The following DCK variants were observed in gnomAD, a reference collection of about 807,000 sequenced individuals.
DCK encodes deoxyadenosine kinase.
A neutral mutation model predicts 38.3 loss-of-function variants in DCK; 23 were observed. That is an observed-to-expected ratio of 0.60 (90% CI 0.43 to 0.85). The LOEUF is 0.85. DCK is among the 40% of genes least tolerant of loss of function. DCK has a pLI of 0.00. For synonymous variants in DCK, 108 were observed against 100.6 expected, an observed-to-expected ratio of 1.07 and a Z score of -0.44; for missense variants, 259 against 304.4, an observed-to-expected ratio of 0.85 and a Z score of 1.11.
chr4:70,999,020 TTC>T (rs1739725722), intron 2 of DCK, among the ~76,000 whole-genome samples: 2 of 152,152 alleles, frequency 1.3e-5, no homozygotes, highest in African/African-American at 4.8e-5. Flanking sequence ...TCATAAAAAT[TTC>T]TTTTTTTGTT....
chr4:71,022,407 A>G lies in DCK; in HGVS notation c.248A>G (p.Gln83Arg), dbSNP rs111919271. ...MSQKNGGNVL[Q>R]MMYEKPERWS... ...CAGAAAAATGGTGGGAATGTTCTTC[A>G]GATGATGTATGAGAAACCTGAACGA... Residue 83 changes from glutamine to arginine, a missense_variant, in exon 3 of 7, where the codon CAG (glutamine) becomes CGG (arginine). Gln to Arg is a conservative substitution (Grantham distance 43, BLOSUM62 1). Around this residue, in one of 3 missense-constraint regions of DCK, gnomAD observed 159 missense variants for 159.0 expected, o/e 1.00. Transcript: ENST00000286648. 4 of 1,582,302 alleles carry G rather than the reference A, an allele frequency of 2.5e-6. No individual in the cohort carries two copies. The highest frequency in any genetic ancestry group is 3.4e-6 in the Non-Finnish European group (4 of 1,167,884).
intron 2 of DCK, among the ~76,000 whole-genome samples, chr4:71,016,460 G>T (rs1291613530): frequency 6.6e-6 from 1 of 152,164 alleles, no homozygotes; most frequent in East Asian, 1.9e-4. Context: ...AACCAAAAAA[G>T]AGCCCGCATT....
At chr4:70,994,958 AT>A (rs1425948558) in intron 1 of DCK, among the ~76,000 whole-genome samples, 1 of 152,228 alleles carries the variant, frequency 6.6e-6, no homozygotes, top group Admixed American at 6.5e-5. Context: ...TTAAAAAAAA[AT>A]TTTTTTAGCT....
intron 2 of DCK, among the ~76,000 whole-genome samples, chr4:71,014,186 T>C (rs1162429756): frequency 3.9e-5 from 6 of 152,316 alleles, no homozygotes; most frequent in Middle Eastern, 3.4e-3. Context: ...CATTACATAA[T>C]GGTAAAGGGA....
chr4:71,015,022 A>C (rs1360887744), intron 2 of DCK, among the ~76,000 whole-genome samples: 1 of 152,244 alleles, frequency 6.6e-6, no homozygotes, highest in Non-Finnish European at 1.5e-5. Context: ...ATAGACCGCT[A>C]GCAAGACTAA....
intron 1 of DCK, among the ~76,000 whole-genome samples, chr4:70,997,335 C>T (rs1248794785): frequency 6.6e-6 from 1 of 152,164 alleles, no homozygotes; most frequent in South Asian, 2.1e-4. Flanking sequence ...CTTACACTCT[C>T]CATACTAAAT....
intron 4 of DCK, among the ~76,000 whole-genome samples, chr4:71,024,683 A>G (rs548239249): frequency 6.6e-6 from 1 of 152,220 alleles, no homozygotes; most frequent in African/African-American, 2.4e-5. Flanking sequence ...AGCAATTTCA[A>G]AAGTGAATTT....
At chr4:70,998,915 A>G (rs1739722406) in intron 2 of DCK, among the ~76,000 whole-genome samples, 1 of 151,096 alleles carries the variant, frequency 6.6e-6, no homozygotes, top group South Asian at 2.1e-4. Context: ...AGAATGAGAC[A>G]CTGTCTCAAC....
chr4:71,022,430 C>A lies in DCK; in HGVS notation c.271C>A (p.Arg91=). The A allele has an allele frequency of 6.2e-7, 1 of 1,605,584 alleles. No individual in the cohort carries two copies. Among genetic ancestry groups the A allele is most frequent in the Non-Finnish European group, 8.5e-7 (1 of 1,176,640 alleles). ...VLQMMYEKPE[R]WSFTFQTYAC... ...TCAGATGATGTATGAGAAACCTGAA[C>A]GATGGTCTTTTACCTTCCAAACATA... is the stretch of plus-strand genomic sequence containing the variant. The change falls in exon 3 of 7, where the codon CGA becomes AGA. Residue 91 remains arginine, a synonymous_variant. Transcript: ENST00000286648.
chr4:71,028,863 T>C, intron 6 of DCK: 4 of 274,142 alleles, frequency 1.5e-5, no homozygotes, highest in South Asian at 9.4e-5. Flanking sequence ...GTTCAAGCGA[T>C]TCTTCTGCCT....
intron 2 of DCK, among the ~76,000 whole-genome samples, chr4:71,018,775 A>G (rs1175177139): frequency 6.6e-6 from 1 of 150,918 alleles, no homozygotes; most frequent in Non-Finnish European, 1.5e-5. Flanking sequence ...AGGCATAAGC[A>G]ATTCTCCCAC....
At chr4:71,026,057 C>G (rs1021435644) in intron 5 of DCK, 126 bp downstream of exon 5, 1 of 1,132,504 alleles carries the variant, frequency 8.8e-7, no homozygotes, top group Admixed American at 3.5e-5. Flanking sequence ...TTATTGGTAT[C>G]TTCCAGAACT....
intron 2 of DCK, among the ~76,000 whole-genome samples, chr4:71,016,766 T>TTATACAAAAATTA (rs1740275782): frequency 6.6e-6 from 1 of 152,194 alleles, no homozygotes; most frequent in African/African-American, 2.4e-5. Flanking sequence ...TCCTTACACC[T>TTATACAAAAATTA]TATACAAAAA....
At chr4:71,016,499 AAGCTGGAGGC>A (rs1425125817) in intron 2 of DCK, among the ~76,000 whole-genome samples, 2 of 152,234 alleles carry the variant, frequency 1.3e-5, no homozygotes, top group African/African-American at 4.8e-5. Context: ...CAAAAGAACA[AAGCTGGAGGC>A]ATCACGCTAC....
At chr4:71,026,154 C>T (rs1560689169) in intron 5 of DCK, among the ~76,000 whole-genome samples, 2 of 151,876 alleles carry the variant, frequency 1.3e-5, no homozygotes, top group Non-Finnish European at 2.9e-5. Context: ...GTATTGATAG[C>T]GTAATATGTG....
In DCK at chr4:70,993,820, G is replaced by C; in HGVS notation, c.-16G>C. The C allele has an allele frequency of 6.3e-7, 1 of 1,599,986 alleles. No homozygotes were observed. The highest frequency in any genetic ancestry group is 2.2e-5 in the East Asian group (1 of 44,598). On this transcript the variant is annotated 5_prime_UTR_variant, in exon 1 of 7. Transcript: ENST00000286648. Reference sequence around the variant, plus strand: ...CTCTTTGCCGGACGAGCTCTGGGCCGCCACAAGACTAAGGAATGGCCACCC... The same window carrying C: ...CTCTTTGCCGGACGAGCTCTGGGCCCCCACAAGACTAAGGAATGGCCACCC...
chr4:71,029,584 A>T lies in DCK; in HGVS notation c.*206A>T. 1 of 525,600 alleles carries T rather than the reference A, an allele frequency of 1.9e-6. No individual in the cohort carries two copies. The highest frequency in any genetic ancestry group is 3.4e-6 in the Non-Finnish European group (1 of 296,052). 32.6% of individuals were successfully genotyped at this position (525,600 alleles called of 1,614,324 possible). ...TGTTTTTTTTTTAAAAAAGACATTT[A>T]AAGACAAAGACATTATTTCTCATAG... On this transcript the variant is annotated 3_prime_UTR_variant, in exon 7 of 7. Transcript: ENST00000286648.
intron 2 of DCK, among the ~76,000 whole-genome samples, chr4:71,004,341 A>T (rs1159148211): frequency 6.6e-6 from 1 of 152,212 alleles, no homozygotes; most frequent in Non-Finnish European, 1.5e-5. Flanking sequence ...GCTTTGTCCC[A>T]GAGGGGCACC....
intron 1 of DCK, among the ~76,000 whole-genome samples, chr4:70,995,908 C>G (rs1179391432): frequency 6.6e-6 from 1 of 151,618 alleles, no homozygotes; most frequent in Non-Finnish European, 1.5e-5. Context: ...TTGGCCTGCA[C>G]AGGTTGAAAA....
Sources: allele counts gnomAD v4.1 joint callset (sites outside exome capture counted in the v4.1 genomes callset), GRCh38; gene constraint gnomAD v4.1.1; regional missense constraint gnomAD v4.1.1; transcripts MANE v1.5; gene names NCBI Gene and HGNC (gene_info 2026-07-23, HGNC 2026-07-21).